ZPBP2: variants seen among roughly 807,000 people sequenced by gnomAD.
ZPBP2 encodes the protein zona pellucida binding protein 2.
ZPBP2 carries 34 observed loss-of-function variants against 37.5 expected under a neutral mutation model. The ratio of observed to expected loss-of-function variants is 0.91; its 90% confidence interval spans 0.69 to 1.21. ZPBP2 has a LOEUF of 1.21. Among genes scored for constraint, ZPBP2 ranks in the 50% most tolerant of loss-of-function variants. ZPBP2 has a pLI of 0.00. For synonymous variants in ZPBP2, 143 were observed against 138.4 expected (o/e 1.03, Z -0.23); for missense variants, 397 against 413.5 (o/e 0.96, Z 0.35).
chr17:39,869,820 C>G (rs566972846), intron 2 of ZPBP2, among the ~76,000 whole-genome samples: 117 of 148,242 alleles, frequency 7.9e-4, no homozygotes, highest in Non-Finnish European at 1.4e-3. Context: ...TCAAGCAATT[C>G]TTCTGCCTCA....
intron 2 of ZPBP2, 61 bp downstream of exon 2, chr17:39,868,675 C>T (rs1598260990): frequency 1.3e-6 from 2 of 1,573,360 alleles, no homozygotes; most frequent in Non-Finnish European, 1.7e-6. Context: ...AAGCTCTTCC[C>T]GGAAGAGCTT....
intron 7 of ZPBP2, 86 bp downstream of exon 7, chr17:39,875,520 A>G (rs905291770): frequency 2.0e-6 from 2 of 989,620 alleles, no homozygotes; most frequent in Non-Finnish European, 2.7e-6. Context: ...ACTGAATAGA[A>G]TCTTTACAGT....
chr17:39,875,158 G>T, intron 6 of ZPBP2, 96 bp from the exon 7 acceptor site: 1 of 1,113,006 alleles, frequency 9.0e-7, no homozygotes, highest in South Asian at 1.6e-5. Context: ...CGTTAAGTAT[G>T]GCATGCTTAC....
intron 2 of ZPBP2, among the ~76,000 whole-genome samples, chr17:39,869,654 C>T (rs2063352894): frequency 6.7e-6 from 1 of 148,394 alleles, no homozygotes; most frequent in South Asian, 2.1e-4. Flanking sequence ...ATCCGCACGT[C>T]TTAGCCTCCC....
chr17:39,868,607 A>G lies in ZPBP2; in HGVS notation c.111A>G (p.Gly37=), dbSNP rs2063347133. ...NKKGFIYGKT[G]QPDKIYVELH... ...AGGGCTTCATTTATGGCAAGACAGG[A>G]CAGCCAGGTAATAAGGGCCTCTGCA... The change falls in exon 2 of 8, where the codon GGA becomes GGG. Residue 37 remains glycine (G), a synonymous_variant. Transcript: ENST00000348931. The G allele has an allele frequency of 1.2e-6, 2 of 1,614,190 alleles. No homozygotes were observed. Among genetic ancestry groups the G allele is most frequent in the South Asian group, 2.2e-5 (2 of 91,084 alleles).
rs1270793166 is a variant in ZPBP2 at position 39,868,206 on chromosome 17, G to T, written c.-149G>T. Reference sequence around the variant, plus strand: ...GAAGCACGCACGCGTTCTCCTGCGCGTCCGCTCCCGCCGTTGCGACGGACG... The same window carrying T: ...GAAGCACGCACGCGTTCTCCTGCGCTTCCGCTCCCGCCGTTGCGACGGACG... On this transcript the variant is annotated 5_prime_UTR_variant, in exon 1 of 8. Transcript: ENST00000348931. 10 of 799,592 alleles carry T rather than the reference G, an allele frequency of 1.3e-5. No individual in the cohort carries two copies. In the African/African-American group the frequency reaches 1.4e-4, roughly 11 times the overall value. 49.5% of individuals were successfully genotyped at this position (799,592 alleles called of 1,614,324 possible).
At position 39,869,405 on chromosome 17, in the gene ZPBP2, C is replaced by CCTTCTTT. The variant is rs1555647284; in HGVS notation, c.118+791_118+792insCTTCTTT. On this transcript the variant is annotated intron_variant, in intron 2 of 7. Coordinates refer to ENST00000348931, the MANE Select transcript of ZPBP2 (RefSeq NM_199321.3). ...TCTTTCTTTCTTTCCTTCCTTCCTT[C>CCTTCTTT]TTTTTTTTTTTTTTTTTTTTTGACA... 7.4e-3 allele frequency among the ~76,000 whole-genome samples: 857 copies of CCTTCTTT among 115,112 alleles called. 9 individuals are homozygous for CCTTCTTT. The highest frequency in any genetic ancestry group is 0.012 in the Non-Finnish European group (679 of 55,314). 75.5% of individuals were successfully genotyped at this position (115,112 alleles called of 152,430 possible). A position where few individuals can be genotyped will look rare whatever the true frequency, so the allele number is the denominator to read the frequency against.
chr17:39,868,577 TAAG>T lies in ZPBP2; in HGVS notation c.85_87del (p.Lys29del). The stretch of plus-strand genomic sequence containing the variant: ...AATGCCCGCGTTTTACCTTATTCAA[TAAG>T]AAGGGCTTCATTTATGGCAAGACAG... On this transcript the variant is annotated inframe_deletion, in exon 2 of 8. Coordinates refer to ENST00000348931, the MANE Select transcript of ZPBP2 (RefSeq NM_199321.3). The T allele has an allele frequency of 6.2e-7, 1 of 1,614,062 alleles. No individual in the cohort carries two copies. Among genetic ancestry groups the T allele is most frequent in the South Asian group, 1.1e-5 (1 of 91,078 alleles).
chr17:39,871,735 ATGAC>A, intron 4 of ZPBP2, 110 bp downstream of exon 4: 3 of 856,912 alleles, frequency 3.5e-6, no homozygotes, highest in Non-Finnish European at 3.4e-6. Flanking sequence ...GTCACCAATT[ATGAC>A]TTACAAAATA....
chr17:39,877,843 G>A lies in ZPBP2; in HGVS notation c.*1034G>A, dbSNP rs951440257. 7 of 152,112 alleles carry A rather than the reference G, an allele frequency of 4.6e-5. No individual in the cohort carries two copies. The highest frequency in any genetic ancestry group is 7.4e-5 in the Non-Finnish European group (5 of 68,002). The allele number at this position is 152,112 out of a possible 1,614,324, so 9.4% of individuals were successfully genotyped here. On this transcript the variant is annotated 3_prime_UTR_variant, in exon 8 of 8. Coordinates refer to ENST00000348931, the MANE Select transcript of ZPBP2 (RefSeq NM_199321.3). ...ATGTTTATCCATTCGCCCATTAAAG[G>A]AAATCTTGATTGCTTCCAGTTTTCA...
intron 2 of ZPBP2, among the ~76,000 whole-genome samples, chr17:39,869,412 T>C (rs1424316126): frequency 6.8e-5 from 10 of 146,300 alleles, no homozygotes; most frequent in Admixed American, 1.4e-4. Flanking sequence ...CTTCTTTTTT[T>C]TTTTTTTTTT....
rs1477180187 is a variant in ZPBP2, at chr17:39,875,289, A to G, written c.744A>G (p.Gln248=). ...GAATAGAAGACTTTTTTCGGAGCCA[A>G]GCATATATTTTCTACCATAACTTTA... The part of the protein sequence containing the change: ...RDRIEDFFRS[Q]AYIFYHNFNK... The change falls in exon 7 of 8, where the codon CAA becomes CAG. Residue 248 remains glutamine, a synonymous_variant. Coordinates refer to ENST00000348931, the MANE Select transcript of ZPBP2 (RefSeq NM_199321.3). The G allele has an allele frequency of 6.2e-7, 1 of 1,612,162 alleles. No homozygotes were observed. The highest frequency in any genetic ancestry group is 8.5e-7 in the Non-Finnish European group (1 of 1,179,482).
Position 39,872,389 on chromosome 17 carries a change from T to C in ZPBP2, c.526T>C (p.Ser176Pro). The change falls in exon 5 of 8, where the codon TCT becomes CCT. Residue 176 changes from serine to proline, a missense_variant. Physicochemically the swap from Ser to Pro is moderately conservative, Grantham distance 74 (BLOSUM62 -1). Transcript: ENST00000348931. The part of the protein sequence containing the change: ...VLKKILDSLI[S>P]DLSCHVIEPS... ...GAAGAAAATCTTGGATAGTCTAATTTCTGATTTGTCATGCCATGTCATAGA... is the reference window on the plus strand; with the variant it reads ...GAAGAAAATCTTGGATAGTCTAATTCCTGATTTGTCATGCCATGTCATAGA... 1 of 1,613,612 alleles carries C rather than the reference T, an allele frequency of 6.2e-7. No homozygotes were observed. The highest frequency in any genetic ancestry group is 8.5e-7 in the Non-Finnish European group (1 of 1,179,788).
Position 39,871,594 on chromosome 17 carries a change from A to C in ZPBP2, c.375A>C (p.Thr125=). 6.3e-7 allele frequency: 1 copy of C among 1,592,620 alleles called. No homozygotes were observed. Among genetic ancestry groups the C allele is most frequent in the Non-Finnish European group, 8.5e-7 (1 of 1,172,124 alleles). The part of the protein sequence containing the change: ...TVKAETQEEK[T]VKKRYDFMVF... ...AAGCAGAAACTCAAGAAGAAAAAAC[A>C]GTCAAAAAGAGATATGACTTTATGG... Residue 125 remains threonine (T), a synonymous_variant, in exon 4 of 8, where the codon ACA becomes ACC. Coordinates refer to ENST00000348931, the MANE Select transcript of ZPBP2 (RefSeq NM_199321.3).
At chr17:39,872,141 C>A in intron 4 of ZPBP2, 129 bp from the exon 5 acceptor site, 3 of 633,458 alleles carry the variant, frequency 4.7e-6, no homozygotes, top group South Asian at 2.7e-5. Flanking sequence ...ACTGATAAAA[C>A]GTTATGTTTC....
intron 2 of ZPBP2, among the ~76,000 whole-genome samples, chr17:39,869,562 G>A (rs1297714035): frequency 3.5e-5 from 5 of 142,954 alleles, no homozygotes; most frequent in Admixed American, 1.3e-4. Context: ...GCGCCACCAC[G>A]CCTGGCTAAT....
chr17:39,873,458 T>A (rs560484858), intron 6 of ZPBP2, among the ~76,000 whole-genome samples: 1 of 152,176 alleles, frequency 6.6e-6, no homozygotes, highest in African/African-American at 2.4e-5. Flanking sequence ...ATTGATTTTT[T>A]AAGTATTATT....
intron 2 of ZPBP2, among the ~76,000 whole-genome samples, chr17:39,869,405 C>CTTTTTT (rs1555647285): frequency 2.6e-5 from 3 of 115,136 alleles, no homozygotes; most frequent in Admixed American, 8.8e-5. Context: ...TTCCTTCCTT[C>CTTTTTT]TTTTTTTTTT....
chr17:39,875,018 G>C (rs2063382851), intron 6 of ZPBP2, among the ~76,000 whole-genome samples: 2 of 152,192 alleles, frequency 1.3e-5, no homozygotes, highest in African/African-American at 4.8e-5. Context: ...CAAAGTGCTG[G>C]GTTTACAGGC....
Sources: gnomAD v4.1 joint callset for allele counts (sites outside exome capture counted in the v4.1 genomes callset) on GRCh38, gnomAD v4.1.1 for gene constraint, MANE v1.5 for transcripts, NCBI Gene and HGNC (gene_info 2026-07-23, HGNC 2026-07-21) for gene names.